Variants in C2CD3 observed in about 807,000 individuals in gnomAD.
C2CD3 encodes C2 domain containing 3 centriole elongation regulator, also known as C2 domain-containing protein 3.
Under a neutral mutation model 234.0 loss-of-function variants are expected in C2CD3, and 148 were observed. The observed-to-expected ratio is 0.63, with a 90% CI of 0.55 to 0.72. The LOEUF (loss-of-function observed/expected upper bound fraction) is 0.72. Ranked by LOEUF, C2CD3 falls within the 30% of genes least tolerant of loss-of-function variation. C2CD3 has a pLI of 0.00. For synonymous variants in C2CD3, 1,000 were observed against 1,035.4 expected (o/e 0.97, Z 0.66); for missense variants, 2,577 against 2,811.5 (o/e 0.92, Z 1.89).
At chr11:74,138,455 A>T (rs917139624) in intron 5 of C2CD3, among the ~76,000 whole-genome samples, 6 of 152,338 alleles carry the variant, frequency 3.9e-5, no homozygotes, top group Non-Finnish European at 8.8e-5. Flanking sequence ...TCTATGATAA[A>T]GGTTTTCCCC....
chr11:74,144,983 T>C, intron 3 of C2CD3, among the ~76,000 whole-genome samples: 1 of 152,334 alleles, frequency 6.6e-6, no homozygotes, highest in East Asian at 1.9e-4. Context: ...TATAATTATT[T>C]AAAGCTATAA....
intron 32 of C2CD3, among the ~76,000 whole-genome samples, chr11:74,022,416 A>G (rs779968836): frequency 1.1e-4 from 16 of 152,204 alleles, no homozygotes; most frequent in African/African-American, 3.4e-4. Flanking sequence ...TTTGTGACAC[A>G]TCGGACAAGA....
intron 8 of C2CD3, among the ~76,000 whole-genome samples, chr11:74,120,268 C>T (rs1957167292): frequency 6.6e-6 from 1 of 152,076 alleles, no homozygotes; most frequent in African/African-American, 2.4e-5. Context: ...CTAATGCTAT[C>T]CTTCCCCCAG....
At chr11:74,043,817 G>C (rs1838755836) in intron 28 of C2CD3, among the ~76,000 whole-genome samples, 1 of 151,908 alleles carries the variant, frequency 6.6e-6, no homozygotes, top group Non-Finnish European at 1.5e-5. Context: ...TTATTATTGA[G>C]TTGTAAGAGT....
In C2CD3 at chr11:74,054,598, A is replaced by T; in HGVS notation, c.5155+9T>A. Reference sequence around the variant, plus strand: ...AAGCAAGCAGATATTCTTTTAACAGAGTTCATACCTCCTTTATGCCAAACT... The same window carrying T: ...AAGCAAGCAGATATTCTTTTAACAGTGTTCATACCTCCTTTATGCCAAACT... On this transcript the variant is annotated intron_variant, in intron 26 of 32. Coordinates refer to ENST00000334126, the MANE Select transcript of C2CD3 (RefSeq NM_001286577.2). 1 of 1,559,800 alleles carries T rather than the reference A, an allele frequency of 6.4e-7. No individual in the cohort carries two copies. The highest frequency in any genetic ancestry group is 8.8e-7 in the Non-Finnish European group (1 of 1,135,278).
At chr11:74,046,463 C>G (rs993155701) in intron 28 of C2CD3, among the ~76,000 whole-genome samples, 1 of 152,188 alleles carries the variant, frequency 6.6e-6, no homozygotes, top group Admixed American at 6.5e-5. Context: ...CCTGCCTCAA[C>G]CTCCTGAGTA....
chr11:74,118,293 T>A lies in C2CD3; in HGVS notation c.1455A>T (p.Arg485Ser). 2 of 1,613,826 alleles carry A rather than the reference T, an allele frequency of 1.2e-6. No homozygotes were observed. Among genetic ancestry groups the A allele is most frequent in the Non-Finnish European group, 1.7e-6 (2 of 1,179,748 alleles). Residue 485 changes from arginine (R) to serine (S), a missense_variant, in exon 9 of 33, where the codon AGA becomes AGT. Coordinates refer to ENST00000334126, the MANE Select transcript of C2CD3 (RefSeq NM_001286577.2). The part of the protein sequence containing the change: ...KKISQSTALA[R>S]SSKVLESSDH... ...CACTTGACTCCAGAACCTTAGATGATCTGGCAAGAGCTGTTGACTGGCTTA... is the reference window on the plus strand; with the variant it reads ...CACTTGACTCCAGAACCTTAGATGAACTGGCAAGAGCTGTTGACTGGCTTA...
chr11:74,079,313 T>C (rs971846095), intron 22 of C2CD3, among the ~76,000 whole-genome samples: 2 of 152,158 alleles, frequency 1.3e-5, no homozygotes, highest in Admixed American at 1.3e-4. Flanking sequence ...GTCATTCTCC[T>C]GCCTCAGCCT....
intron 3 of C2CD3, among the ~76,000 whole-genome samples, chr11:74,150,294 A>G (rs896298294): frequency 6.6e-6 from 1 of 151,528 alleles, no homozygotes; most frequent in Admixed American, 6.6e-5. Context: ...CTGGCCAACA[A>G]GGTGAAACCC....
At chr11:74,136,704 C>G (rs1192518325) in intron 5 of C2CD3, among the ~76,000 whole-genome samples, 2 of 152,114 alleles carry the variant, frequency 1.3e-5, no homozygotes, top group Non-Finnish European at 2.9e-5. Context: ...CTTGCTGCTC[C>G]TTTTACCAGT....
At chr11:74,052,149 T>G (rs1394185029) in intron 26 of C2CD3, among the ~76,000 whole-genome samples, 1 of 152,194 alleles carries the variant, frequency 6.6e-6, no homozygotes, top group Non-Finnish European at 1.5e-5. Context: ...CAGTGTGGTC[T>G]AGGCATTTTC....
At chr11:74,056,060 C>T (rs1591351533) in intron 25 of C2CD3, among the ~76,000 whole-genome samples, 2 of 152,266 alleles carry the variant, frequency 1.3e-5, no homozygotes, top group Admixed American at 1.3e-4. Flanking sequence ...TCTATAATTT[C>T]CAGTAGCTCA....
chr11:74,165,180 T>C (rs1230557476), intron 2 of C2CD3, among the ~76,000 whole-genome samples: 1 of 152,190 alleles, frequency 6.6e-6, no homozygotes, highest in Admixed American at 6.5e-5. Context: ...TGTGATACAT[T>C]TCCTCTTCTT....
At chr11:74,034,469 T>C (rs1952642464) in intron 30 of C2CD3, 191 bp from the exon 31 acceptor site, 1 of 1,560,654 alleles carries the variant, frequency 6.4e-7, no homozygotes, top group Middle Eastern at 1.7e-4. Context: ...TATTCTAATA[T>C]CAGAGGACCA....
intron 14 of C2CD3, among the ~76,000 whole-genome samples, chr11:74,101,219 T>C (rs958267189): frequency 6.6e-5 from 10 of 152,200 alleles, no homozygotes; most frequent in Admixed American, 3.9e-4. Flanking sequence ...TACTCCAGAA[T>C]TGGCCAGTTG....
At chr11:74,046,751 T>A (rs1321436052) in intron 28 of C2CD3, among the ~76,000 whole-genome samples, 1 of 152,224 alleles carries the variant, frequency 6.6e-6, no homozygotes, top group Non-Finnish European at 1.5e-5. Flanking sequence ...ATTGTATGGA[T>A]ATACGACAAT....
chr11:74,097,423 T>TG (rs1047678071), intron 16 of C2CD3, among the ~76,000 whole-genome samples: 1 of 152,210 alleles, frequency 6.6e-6, no homozygotes, highest in Non-Finnish European at 1.5e-5. Flanking sequence ...GACCTGTGTC[T>TG]GAATCCCAAT....
At chr11:74,032,216 T>C (rs1952547068) in intron 31 of C2CD3, among the ~76,000 whole-genome samples, 1 of 152,220 alleles carries the variant, frequency 6.6e-6, no homozygotes, top group Non-Finnish European at 1.5e-5. Context: ...GATTAAACTA[T>C]ATGTCTATAA....
chr11:74,126,833 C>G (rs1320466631), intron 7 of C2CD3, among the ~76,000 whole-genome samples: 1 of 152,148 alleles, frequency 6.6e-6, no homozygotes, highest in Non-Finnish European at 1.5e-5. Context: ...CATCACCACT[C>G]AATTTTAAAA....
Sources: gnomAD v4.1 joint callset for allele counts (sites outside exome capture counted in the v4.1 genomes callset) on GRCh38, gnomAD v4.1.1 for gene constraint, MANE v1.5 for transcripts, NCBI Gene and HGNC (gene_info 2026-07-23, HGNC 2026-07-21) for gene names.